Variants in STPG2 observed in about 807,000 individuals in gnomAD.
STPG2 encodes sperm tail PG-rich repeat containing 2.
In STPG2, 56 loss-of-function variants were observed where a neutral mutation model predicts 54.2. The observed-to-expected ratio is 1.03, with a 90% CI of 0.83 to 1.29. The LOEUF is 1.29. Among genes scored for constraint, STPG2 ranks in the 50% most tolerant of loss-of-function variants. STPG2 has a pLI of 0.00. For synonymous variants in STPG2, 200 were observed against 181.8 expected (o/e 1.10, Z -0.81); for missense variants, 596 against 544.9 (o/e 1.09, Z -0.93).
Position 97,840,868 on chromosome 4 carries a change from T to G in STPG2, c.1109A>C (p.Lys370Thr). Residue 370 changes from lysine to threonine, a missense_variant, in exon 9 of 11, where the codon AAA becomes ACA. Transcript: ENST00000295268. ...KSYEMSQVKH[K>T]YMPPRSLVAK... ...CACTAAACTACGAGGTGGCATATAT[T>G]TATGCTTAACTTGGGACATCTCATA... is the stretch of plus-strand genomic sequence containing the variant. 6.2e-7 allele frequency: 1 copy of G among 1,612,224 alleles called. No homozygotes were observed. Among genetic ancestry groups the G allele is most frequent in the East Asian group, 2.2e-5 (1 of 44,814 alleles).
chr4:97,545,431 G>C (rs1731814061), intron 4 of STPG2, among the ~76,000 whole-genome samples: 2 of 152,060 alleles, frequency 1.3e-5, no homozygotes, highest in Non-Finnish European at 2.9e-5. Context: ...AATTTTCAAA[G>C]GATTTCATAT....
intron 10 of STPG2, among the ~76,000 whole-genome samples, chr4:97,633,244 T>G (rs1417129210): frequency 2.0e-5 from 3 of 152,100 alleles, no homozygotes; most frequent in Non-Finnish European, 4.4e-5. Flanking sequence ...AATACAAAAC[T>G]TTAACGTTTT....
chr4:98,062,691 G>A (rs1427695248), intron 5 of STPG2, among the ~76,000 whole-genome samples: 2 of 152,026 alleles, frequency 1.3e-5, no homozygotes, highest in South Asian at 2.1e-4. Context: ...TGGTGCAAAA[G>A]CAATTGCAGT....
chr4:97,772,108 G>A (rs1195832220), intron 9 of STPG2, among the ~76,000 whole-genome samples: 2 of 152,140 alleles, frequency 1.3e-5, no homozygotes, highest in Non-Finnish European at 2.9e-5. Context: ...CATTGTCAAG[G>A]AGAAATTCTT....
chr4:97,744,524 G>C (rs1225281466), intron 9 of STPG2, among the ~76,000 whole-genome samples: 1 of 150,760 alleles, frequency 6.6e-6, no homozygotes, highest in Admixed American at 6.6e-5. Context: ...CTTACTATTA[G>C]ATTCTTATTA....
chr4:97,632,571 C>T (rs750262144), intron 10 of STPG2, among the ~76,000 whole-genome samples: 130 of 152,048 alleles, frequency 8.5e-4, no homozygotes, highest in African/African-American at 3.1e-3. Context: ...TACATATACA[C>T]CAAATGCAGT....
Position 98,142,917 on chromosome 4 carries a change from C to T in STPG2, c.109+125G>A, listed in dbSNP as rs1387696330. On this transcript the variant is annotated intron_variant, in intron 1 of 10. Coordinates refer to ENST00000295268, the MANE Select transcript of STPG2 (RefSeq NM_174952.3). ...AGTATAGTGTTTTCCCTGCCTACTT[C>T]ATGTTTTGTTATGTTTACAAAATGG... 1.2e-5 allele frequency: 10 copies of T among 803,262 alleles called. No individual in the cohort carries two copies. The East Asian group carries it at 2.4e-4, about 19-fold the overall frequency. The allele number at this position is 803,262 out of a possible 1,614,324, so 49.8% of individuals were successfully genotyped here. A position where few individuals can be genotyped will look rare whatever the true frequency, so the allele number is the denominator to read the frequency against.
At chr4:97,486,593 T>A (rs1013591471) in intron 4 of STPG2, among the ~76,000 whole-genome samples, 2 of 151,850 alleles carry the variant, frequency 1.3e-5, no homozygotes, top group Middle Eastern at 3.4e-3. Flanking sequence ...ACAGCCACTA[T>A]GGAAAACAGT....
chr4:98,002,629 T>C (rs576928889), intron 5 of STPG2, among the ~76,000 whole-genome samples: 1 of 152,126 alleles, frequency 6.6e-6, no homozygotes, highest in South Asian at 2.1e-4. Context: ...GGAATGTCAA[T>C]ATGGATTTCA....
At chr4:97,449,702 A>T (rs984948626) in intron 4 of STPG2, among the ~76,000 whole-genome samples, 1 of 152,170 alleles carries the variant, frequency 6.6e-6, no homozygotes, top group Non-Finnish European at 1.5e-5. Context: ...AGAAATTGAG[A>T]TGCATAGTTA....
intron 4 of STPG2, among the ~76,000 whole-genome samples, chr4:97,535,916 C>T (rs1219055585): frequency 5.3e-5 from 8 of 152,080 alleles, no homozygotes; most frequent in Admixed American, 1.3e-4. Context: ...TGATTTTTCA[C>T]CATCTGTGTT....
At chr4:97,701,265 GACC>G (rs1394286641) in intron 10 of STPG2, among the ~76,000 whole-genome samples, 1 of 152,208 alleles carries the variant, frequency 6.6e-6, no homozygotes, top group Non-Finnish European at 1.5e-5. Context: ...CTGGGAAAAT[GACC>G]ACAAGATGAG....
At chr4:97,842,411 A>C (rs1728828547) in intron 8 of STPG2, among the ~76,000 whole-genome samples, 1 of 151,856 alleles carries the variant, frequency 6.6e-6, no homozygotes, top group Admixed American at 6.6e-5. Context: ...GTGAAAAGAA[A>C]CCGGAAGAGA....
At chr4:97,634,340 G>T (rs543353950) in intron 10 of STPG2, among the ~76,000 whole-genome samples, 1 of 152,222 alleles carries the variant, frequency 6.6e-6, no homozygotes, top group Admixed American at 6.5e-5. Flanking sequence ...AAACCCATCT[G>T]TACATCACCA....
intron 10 of STPG2, among the ~76,000 whole-genome samples, chr4:97,595,144 T>C (rs141220623): frequency 0.018 from 2,780 of 152,292 alleles, 37 homozygotes; most frequent in Non-Finnish European, 0.027. Context: ...TAAAGACACA[T>C]GCACACATAT....
intron 8 of STPG2, among the ~76,000 whole-genome samples, chr4:97,897,454 T>A (rs1730999335): frequency 6.6e-6 from 1 of 152,164 alleles, no homozygotes; most frequent in Admixed American, 6.6e-5. Flanking sequence ...ATGGTATTTC[T>A]GTTTTTAGGT....
chr4:97,891,127 T>C, intron 8 of STPG2, among the ~76,000 whole-genome samples: 1 of 152,068 alleles, frequency 6.6e-6, no homozygotes, highest in East Asian at 1.9e-4. Context: ...ATTGTACAAC[T>C]ATTAGACATA....
chr4:97,760,671 C>A (rs911254072), intron 9 of STPG2, among the ~76,000 whole-genome samples: 1 of 152,140 alleles, frequency 6.6e-6, no homozygotes, highest in African/African-American at 2.4e-5. Context: ...GATACTGTAA[C>A]TCAAATCCTT....
chr4:97,870,370 C>A (rs1729942995), intron 8 of STPG2, among the ~76,000 whole-genome samples: 1 of 151,284 alleles, frequency 6.6e-6, no homozygotes, highest in African/African-American at 2.4e-5. Context: ...AAATAATTTT[C>A]ATATAGGTAA....
Sources: allele counts gnomAD v4.1 joint callset (sites outside exome capture counted in the v4.1 genomes callset), GRCh38; gene constraint gnomAD v4.1.1; transcripts MANE v1.5; gene names NCBI Gene and HGNC (gene_info 2026-07-23, HGNC 2026-07-21).